The following PRSS53 variants were observed in gnomAD, a reference collection of about 807,000 sequenced individuals.
PRSS53 encodes EDTP308.
In PRSS53, 54 loss-of-function variants were observed where a neutral mutation model predicts 62.7. The observed-to-expected ratio is 0.86, with a 90% confidence interval of 0.69 to 1.08. The LOEUF (loss-of-function observed/expected upper bound fraction) is 1.08. PRSS53 is among the 50% of genes least tolerant of loss of function. PRSS53 has a pLI of 0.00. For missense variants in PRSS53, 688 were observed against 728.3 expected (o/e 0.94, Z 0.64); for synonymous variants, 273 against 300.0 (o/e 0.91, Z 0.93).
At chr16:31,086,920 C>T in intron 3 of PRSS53, 22 bp from the exon 4 acceptor site, 3 of 1,571,302 alleles carry the variant, frequency 1.9e-6, no homozygotes, top group Non-Finnish European at 2.6e-6. Context: ...AGGACAAGGT[C>T]CAGGCTGCTG....
exon 6 of PRSS53, chr16:31,086,172 C>T (rs754597596): frequency 6.2e-7 from 1 of 1,611,012 alleles, no homozygotes; most frequent in South Asian, 1.1e-5. Flanking sequence ...GCACAGGGCC[C>T]CCGGAATCTC....
At chr16:31,085,539 G>A (rs887537822) in intron 6 of PRSS53, among the ~76,000 whole-genome samples, 6 of 152,052 alleles carry the variant, frequency 3.9e-5, no homozygotes, top group Non-Finnish European at 7.4e-5. Context: ...TGCTCCACCC[G>A]TCTGCACCCT....
intron 9 of PRSS53, 86 bp from the exon 10 acceptor site, chr16:31,084,421 G>T (rs1401346780): frequency 4.5e-5 from 67 of 1,497,272 alleles, no homozygotes; most frequent in Non-Finnish European, 1.5e-5. Context: ...CTGGCTGTTT[G>T]GGGGCTAATT....
chr16:31,083,830 T>G (rs776807301), intron 10 of PRSS53, 21 bp from the exon 11 acceptor site: 1 of 1,613,772 alleles, frequency 6.2e-7, no homozygotes, highest in South Asian at 1.1e-5. Flanking sequence ...GGAAGGAGGG[T>G]GGAGTTGTCC....
chr16:31,083,573 G>A (rs1468543822), exon 11 of PRSS53: 2 of 1,442,082 alleles, frequency 1.4e-6, no homozygotes, highest in Non-Finnish European at 1.8e-6. Flanking sequence ...ACGCCTGCTT[G>A]GTAGCAGAGT....
intron 10 of PRSS53, 32 bp from the exon 11 acceptor site, chr16:31,083,841 T>G: frequency 6.2e-7 from 1 of 1,613,958 alleles, no homozygotes; most frequent in Non-Finnish European, 8.5e-7. Context: ...GGAGTTGTCC[T>G]CATCCTCACG....
Position 31,084,072 on chromosome 16 carries a change from G to C in PRSS53, c.1642+47C>G. The C allele has an allele frequency of 3.2e-6, 5 of 1,540,800 alleles. No individual in the cohort carries two copies. In the African/African-American group the frequency reaches 4.1e-5, roughly 13 times the overall value. Reference sequence around the variant, plus strand: ...CGGCACGTTCTCACTGGAGAGAGAAGGGTCCTGGAGAGGCAGGGTTTGGCA... The same window carrying C: ...CGGCACGTTCTCACTGGAGAGAGAACGGTCCTGGAGAGGCAGGGTTTGGCA... On this transcript the variant is annotated intron_variant, in intron 10 of 10. Transcript: ENST00000280606.
chr16:31,087,877 C>G, intron 1 of PRSS53, 51 bp from the exon 2 acceptor site: 1 of 1,610,014 alleles, frequency 6.2e-7, no homozygotes, highest in Non-Finnish European at 8.5e-7. Context: ...GCCTGCCTAG[C>G]TTTGGGGAGG....
In PRSS53 at chr16:31,086,510, C is replaced by T. The variant is rs554035106; in HGVS notation, c.509-19G>A. 1 of 1,603,602 alleles carries T rather than the reference C, an allele frequency of 6.2e-7. No individual in the cohort carries two copies. Among genetic ancestry groups the T allele is most frequent in the South Asian group, 1.1e-5 (1 of 90,160 alleles). On this transcript the variant is annotated intron_variant, in intron 4 of 10. Transcript: ENST00000280606. ...CCAGGAGCTGGTGAAAGAGACGGGG[C>T]TGGGGCTAGAGTCTGGGATCTGGGA...
rs763392187 is a variant in PRSS53, at chr16:31,086,681, A to AG, written c.459dup (p.Phe154LeufsTer16). The AG allele has an allele frequency of 6.4e-7, 1 of 1,551,732 alleles. No individual in the cohort carries two copies. Among genetic ancestry groups the AG allele is most frequent in the Non-Finnish European group, 8.7e-7 (1 of 1,146,704 alleles). On this transcript the variant is annotated frameshift_variant, in exon 4 of 11. Transcript: ENST00000280606. LOFTEE classifies it high-confidence loss of function. ...CCAGTGGCCCAGCAGGAGGCTCCAA[A>AG]GGGGAAGCGATGGGCGGGCTGGGGC...
At position 31,084,175 on chromosome 16, in the gene PRSS53, T is replaced by C. The variant is rs765712600; in HGVS notation, c.1586A>G (p.Tyr529Cys). The C allele has an allele frequency of 4.0e-5, 64 of 1,605,028 alleles. No individual in the cohort carries two copies. The South Asian group carries it at 6.4e-4, about 16-fold the overall frequency. The change falls in exon 10 of 11, where the codon TAC (tyrosine) becomes TGC (cysteine). Residue 529 changes from tyrosine to cysteine, a missense_variant. Transcript: ENST00000280606. ...CTCGGGCTCTGGTTCCTCGGCGAAGTAGACCTGCCAGTCCAAACTGCTGAC... is the reference window on the plus strand; with the variant it reads ...CTCGGGCTCTGGTTCCTCGGCGAAGCAGACCTGCCAGTCCAAACTGCTGAC...
At chr16:31,083,978 A>T in intron 10 of PRSS53, 141 bp downstream of exon 10, 1 of 1,500,352 alleles carries the variant, frequency 6.7e-7, no homozygotes, top group Non-Finnish European at 8.9e-7. Flanking sequence ...ATGACAAAGA[A>T]CCAGAATCTG....
rs372099680 is a variant in PRSS53 at position 31,087,774 on chromosome 16, T to C, written c.79+32A>G. The C allele has an allele frequency of 1.2e-3, 1,880 of 1,614,060 alleles. 27 individuals are homozygous for C. The South Asian group carries it at 0.019, about 17-fold the overall frequency. On this transcript the variant is annotated intron_variant, in intron 2 of 10. Transcript: ENST00000280606. Reference sequence around the variant, plus strand: ...ACCCCAGTCCCAACCCAGACCCAAGTAAGACCTAGGCCCCGTGTCCCCAGA... The same window carrying C: ...ACCCCAGTCCCAACCCAGACCCAAGCAAGACCTAGGCCCCGTGTCCCCAGA...
intron 1 of PRSS53, chr16:31,088,110 C>A: frequency 2.9e-6 from 4 of 1,371,932 alleles, no homozygotes; most frequent in Non-Finnish European, 3.8e-6. Flanking sequence ...GGCTTCAGAA[C>A]CCCCAACTCC....
At chr16:31,084,681 C>T (rs765439500) in exon 9 of PRSS53, 1 of 1,612,104 alleles carries the variant, frequency 6.2e-7, no homozygotes, top group Admixed American at 1.7e-5. Flanking sequence ...GGGTCACGGG[C>T]ACTGTCTGGA....
Position 31,087,710 on chromosome 16 carries a change from G to GA in PRSS53, c.80-12dup. 1 of 1,613,796 alleles carries GA rather than the reference G, an allele frequency of 6.2e-7. No homozygotes were observed. Among genetic ancestry groups the GA allele is most frequent in the Non-Finnish European group, 8.5e-7 (1 of 1,179,882 alleles). On this transcript the variant is annotated splice_polypyrimidine_tract_variant and intron_variant, in intron 2 of 10. Coordinates refer to ENST00000280606, the Ensembl canonical transcript of PRSS53. Reference sequence around the variant, plus strand: ...CACGCTGTCCACAGGCTGTGGAAAGGAGTTAGTCACACTGACAGCAGATAC... The same window carrying GA: ...CACGCTGTCCACAGGCTGTGGAAAGGAAGTTAGTCACACTGACAGCAGATAC...
At chr16:31,088,629 ATCCCCACTGGTGGACTG>A (rs2057258998) in intron 1 of PRSS53, 106 bp downstream of exon 1, 2 of 1,547,304 alleles carry the variant, frequency 1.3e-6, no homozygotes, top group Admixed American at 1.9e-5. Flanking sequence ...ACGGAGTTAC[ATCCCCACTGGTGGACTG>A]TCGCCCACAG....
In PRSS53 at chr16:31,084,118, C is replaced by T. The variant is rs747163233; in HGVS notation, c.1642+1G>A. 4.5e-6 allele frequency: 7 copies of T among 1,572,452 alleles called. No homozygotes were observed. In the Admixed American group the frequency reaches 1.3e-4, roughly 29 times the overall value. On this transcript the variant is annotated splice_donor_variant, in intron 10 of 10. Coordinates refer to ENST00000280606, the Ensembl canonical transcript of PRSS53. LOFTEE classifies it high-confidence loss of function. The stretch of plus-strand genomic sequence containing the variant: ...TGGCAGGAGGCCCCGGGGCCACATA[C>T]TTATGTTGGCCAGGCAGCTTCCAGG...
chr16:31,085,588 T>C (rs1394449381), intron 6 of PRSS53, among the ~76,000 whole-genome samples: 1 of 152,192 alleles, frequency 6.6e-6, no homozygotes, highest in African/African-American at 2.4e-5. Flanking sequence ...GACTCATTAG[T>C]GCATCTCTTA....
Sources: gnomAD v4.1 joint callset for allele counts (sites outside exome capture counted in the v4.1 genomes callset) on GRCh38, gnomAD v4.1.1 for gene constraint, MANE v1.5 for transcripts, NCBI Gene and HGNC (gene_info 2026-07-23, HGNC 2026-07-21) for gene names.